Variants in NUP62CL observed in about 807,000 individuals in gnomAD.
NUP62CL encodes the protein nucleoporin 62 C-terminal like, also known as nucleoporin-62 C-terminal-like protein.
A neutral mutation model predicts 15.3 loss-of-function variants in NUP62CL; 13 were observed. The ratio of observed to expected loss-of-function variants is 0.85; its 90% CI spans 0.55 to 1.35. The LOEUF is 1.35. Among genes scored for constraint, NUP62CL ranks in the 40% most tolerant of loss-of-function variants. The probability of loss-of-function intolerance (pLI) is 0.00; values close to 1 mark genes in which losing one functional copy is unlikely to be tolerated. For missense variants in NUP62CL, 123 were observed against 130.6 expected (o/e 0.94, Z 0.28); for synonymous variants, 54 against 49.2 (o/e 1.10, Z -0.41).
In NUP62CL at chrX:107,156,098, A is replaced by T. The variant is rs773005659; in HGVS notation, c.195-1852T>A. Among the ~76,000 whole-genome samples, 9 of 110,959 alleles carry T rather than the reference A, an allele frequency of 8.1e-5. No homozygotes were observed. The Admixed American group carries it at 8.5e-4, about 10-fold the overall frequency. On this transcript the variant is annotated intron_variant, in intron 4 of 8. Transcript: ENST00000372466. Reference sequence around the variant, plus strand: ...GGCTTAAAAAACGGCGCACGACGAGACTATATCCCACACCTGGCTCGGAGG... The same window carrying T: ...GGCTTAAAAAACGGCGCACGACGAGTCTATATCCCACACCTGGCTCGGAGG...
intron 8 of NUP62CL, among the ~76,000 whole-genome samples, chrX:107,140,915 C>T (rs1380355340): frequency 8.9e-6 from 1 of 111,749 alleles, no homozygotes; most frequent in Non-Finnish European, 1.9e-5. Flanking sequence ...CTCCAGTGTA[C>T]GGTGTTTGTT....
intron 1 of NUP62CL, among the ~76,000 whole-genome samples, chrX:107,200,631 A>G (rs1489823607): frequency 2.5e-4 from 27 of 106,371 alleles, no homozygotes; most frequent in African/African-American, 4.8e-4. Flanking sequence ...AAAAAAAAAA[A>G]AGAGAGAGAG....
intron 2 of NUP62CL, among the ~76,000 whole-genome samples, chrX:107,178,834 G>A (rs1926845250): frequency 9.0e-6 from 1 of 111,114 alleles, no homozygotes; most frequent in Non-Finnish European, 1.9e-5. Flanking sequence ...CACTTTTAAA[G>A]AAATAACCAA....
At position 107,204,227 on chromosome X, in the gene NUP62CL, C is replaced by T. The variant is rs138526987; in HGVS notation, c.-92+2046G>A. On this transcript the variant is annotated intron_variant, in intron 1 of 8. Transcript: ENST00000372466. The stretch of plus-strand genomic sequence containing the variant: ...CTCCAGATTGCGGCTGCTATCAAGG[C>T]AGAATGGACAAGAATATTAGAATAA... 6.6e-3 allele frequency among the ~76,000 whole-genome samples: 729 copies of T among 111,122 alleles called. 6 individuals are homozygous for T. The highest frequency in any genetic ancestry group is 0.022 in the African/African-American group (684 of 30,628).
At chrX:107,195,290 C>T (rs1171494291) in intron 1 of NUP62CL, among the ~76,000 whole-genome samples, 1 of 112,109 alleles carries the variant, frequency 8.9e-6, no homozygotes, top group Non-Finnish European at 1.9e-5. Flanking sequence ...ATATTGGTAA[C>T]TAAATCTGAT....
In NUP62CL at chrX:107,206,305, G is replaced by C. The variant is rs1188888669; in HGVS notation, c.-124C>G. On this transcript the variant is annotated 5_prime_UTR_variant, in exon 1 of 9. Transcript: ENST00000372466. ...GCAAGTCGCCGCCGCTCGCTGTCCGGCCCTGAACTATACGGGCAGGCCTCC... is the reference window on the plus strand; with the variant it reads ...GCAAGTCGCCGCCGCTCGCTGTCCGCCCCTGAACTATACGGGCAGGCCTCC... The C allele has an allele frequency of 4.5e-5, 5 of 110,975 alleles. No individual in the cohort carries two copies. Among genetic ancestry groups the C allele is most frequent in the African/African-American group, 1.6e-4 (5 of 30,449 alleles). The allele number at this position is 110,975 out of a possible 1,213,427, so 9.1% of individuals were successfully genotyped here.
chrX:107,160,278 C>T (rs1252594221), intron 4 of NUP62CL, among the ~76,000 whole-genome samples: 12 of 105,303 alleles, frequency 1.1e-4, no homozygotes, highest in Non-Finnish European at 1.9e-4. Context: ...TTGGAAAAAA[C>T]GACTTTAAAG....
At chrX:107,136,936 C>T (rs372625793) in intron 8 of NUP62CL, among the ~76,000 whole-genome samples, 2 of 110,988 alleles carry the variant, frequency 1.8e-5, no homozygotes, top group African/African-American at 3.3e-5. Flanking sequence ...TGTGGTGGCA[C>T]GTCTGTAATC....
intron 8 of NUP62CL, chrX:107,131,977 G>A: frequency 9.7e-7 from 1 of 1,026,382 alleles, no homozygotes; most frequent in Non-Finnish European, 1.4e-6. Context: ...GAAGAAGGAA[G>A]GAGAAGAAAA....
At chrX:107,195,966 T>C (rs1384495131) in intron 1 of NUP62CL, among the ~76,000 whole-genome samples, 3 of 111,565 alleles carry the variant, frequency 2.7e-5, no homozygotes, top group Non-Finnish European at 5.6e-5. Context: ...CCATGGTGGG[T>C]GTTTATCCTG....
chrX:107,139,462 A>G (rs1925715837), intron 8 of NUP62CL, among the ~76,000 whole-genome samples: 1 of 111,997 alleles, frequency 8.9e-6, no homozygotes. Flanking sequence ...ATATTATTCT[A>G]CAACTACCTC....
At chrX:107,147,722 G>A in intron 8 of NUP62CL, 21 bp downstream of exon 8, 1 of 933,343 alleles carries the variant, frequency 1.1e-6, no homozygotes, top group Non-Finnish European at 1.6e-6. Flanking sequence ...TACACAGAGT[G>A]GCATACAAGC....
chrX:107,152,121 TATATATATATTCAG>T lies in NUP62CL; in HGVS notation c.530+1037_530+1050del, dbSNP rs1476174194. On this transcript the variant is annotated intron_variant, in intron 7 of 8. Coordinates refer to ENST00000372466, the MANE Select transcript of NUP62CL (RefSeq NM_017681.3). ...TCAGATATATATATATATTCAGATATATATATATATTCAGATATATATATATTCAGATATATATA... is the reference window on the plus strand; with the variant it reads ...TCAGATATATATATATATTCAGATATATATATATATATTCAGATATATATA... Among the ~76,000 whole-genome samples the T allele has an allele frequency of 4.3e-3, 193 of 44,808 alleles. 7 individuals are homozygous for T. The highest frequency in any genetic ancestry group is 0.014 in the South Asian group (11 of 773). 38.9% of individuals were successfully genotyped at this position (44,808 alleles called of 115,157 possible).
chrX:107,163,077 A>G (rs1316894842), intron 4 of NUP62CL, among the ~76,000 whole-genome samples: 3 of 111,726 alleles, frequency 2.7e-5, no homozygotes, highest in Non-Finnish European at 5.6e-5. Flanking sequence ...AAAGTAAGGA[A>G]TATCAAAATG....
intron 3 of NUP62CL, among the ~76,000 whole-genome samples, chrX:107,170,844 C>T (rs1337218362): frequency 8.9e-6 from 1 of 112,510 alleles, no homozygotes; most frequent in Non-Finnish European, 1.9e-5. Flanking sequence ...AGTTCTATCA[C>T]AGTCTGATTT....
intron 1 of NUP62CL, among the ~76,000 whole-genome samples, chrX:107,205,783 T>C (rs1288434295): frequency 1.8e-5 from 2 of 110,472 alleles, no homozygotes; most frequent in African/African-American, 3.3e-5. Flanking sequence ...ACAACCAGAT[T>C]CCCTAGCAGT....
chrX:107,199,350 A>C (rs1295472200), intron 1 of NUP62CL, among the ~76,000 whole-genome samples: 1 of 111,985 alleles, frequency 8.9e-6, no homozygotes, highest in Non-Finnish European at 1.9e-5. Context: ...AGATAAATCT[A>C]CTGTGTGTCA....
At chrX:107,203,209 A>T (rs773089708) in intron 1 of NUP62CL, among the ~76,000 whole-genome samples, 2 of 108,424 alleles carry the variant, frequency 1.8e-5, no homozygotes, top group South Asian at 8.2e-4. Flanking sequence ...ATAACCCAAG[A>T]CATCATGGAA....
At chrX:107,129,766 A>G (rs1297326025) in intron 8 of NUP62CL, among the ~76,000 whole-genome samples, 1 of 112,339 alleles carries the variant, frequency 8.9e-6, no homozygotes, top group African/African-American at 3.2e-5. Flanking sequence ...AAAGCCTCTA[A>G]CATGAGAAAG....
Sources: allele counts gnomAD v4.1 joint callset (sites outside exome capture counted in the v4.1 genomes callset), GRCh38; gene constraint gnomAD v4.1.1; transcripts MANE v1.5; gene names NCBI Gene and HGNC (gene_info 2026-07-23, HGNC 2026-07-21).